CAPN6: variants seen among roughly 807,000 people sequenced by gnomAD.
The protein encoded by CAPN6 is calpain 6.
In CAPN6, 16 loss-of-function variants were observed where a neutral mutation model predicts 46.0. The ratio of observed to expected loss-of-function variants is 0.35; its 90% CI spans 0.24 to 0.53. The LOEUF is 0.53. Among genes scored for constraint, CAPN6 ranks in the 20% least tolerant of loss-of-function variants. The pLI is 0.94. For synonymous variants in CAPN6, 206 were observed against 172.8 expected (o/e 1.19, Z -1.51); for missense variants, 461 against 498.0 (o/e 0.93, Z 0.71).
rs1282437921 is a variant in CAPN6 at position 111,252,211 on chromosome X, A to G, written c.699+96T>C. 1.3e-5 allele frequency: 9 copies of G among 688,809 alleles called. No homozygotes were observed. In the African/African-American group the frequency reaches 1.8e-4, roughly 14 times the overall value. The allele number at this position is 688,809 out of a possible 1,213,427, so 56.8% of individuals were successfully genotyped here. On this transcript the variant is annotated intron_variant, in intron 5 of 12. Transcript: ENST00000324068. ...TTCCAAGTCCCATTAATAGTTTTTC[A>G]TGGGTCTTCGGGTTAAGGGCGAATT...
Position 111,246,526 on chromosome X carries a change from C to A in CAPN6, c.*51G>T. The A allele has an allele frequency of 9.4e-7, 1 of 1,059,853 alleles. No individual in the cohort carries two copies. Among genetic ancestry groups the A allele is most frequent in the Non-Finnish European group, 1.3e-6 (1 of 769,147 alleles). 87.3% of individuals were successfully genotyped at this position (1,059,853 alleles called of 1,213,427 possible). On this transcript the variant is annotated 3_prime_UTR_variant, in exon 13 of 13. Transcript: ENST00000324068. ...ATCTTAACTAAGACCTGGCACCTGA[C>A]GGAAAATAAAAGGGTGGCACGCTTT...
chrX:111,251,211 A>G lies in CAPN6; in HGVS notation c.969T>C (p.Phe323=), dbSNP rs373803010. 3.3e-6 allele frequency: 4 copies of G among 1,207,563 alleles called. No individual in the cohort carries two copies. The highest frequency in any genetic ancestry group is 5.9e-5 in the East Asian group (2 of 33,725). The change falls in exon 7 of 13, where the codon TTT becomes TTC. Residue 323 remains phenylalanine, a splice_region_variant and synonymous_variant. Transcript: ENST00000324068. ...TTAGTGCAGAAACCCCTCCTCACCA[A>G]AACTCTCCATCATCAGACATAACAA... ...LGLVMSDDGE[F]WMSLEDFCRN...
Position 111,253,042 on chromosome X carries a change from A to G in CAPN6, c.472T>C (p.Phe158Leu). 1 of 1,211,144 alleles carries G rather than the reference A, an allele frequency of 8.3e-7. No homozygotes were observed. Among genetic ancestry groups the G allele is most frequent in the Non-Finnish European group, 1.1e-6 (1 of 895,029 alleles). ...GCTTTTTCCAGCAGAGCATTCCAAA[A>G]CTCATTCATGGAAGTGGAGAAAGAG... Reference protein sequence around the residue: ...VFSFSTSMNEFWNALLEKAYA... With the variant: ...VFSFSTSMNELWNALLEKAYA... Residue 158 changes from phenylalanine to leucine, a missense_variant, in exon 4 of 13, where the codon TTT becomes CTT. Transcript: ENST00000324068.
At chrX:111,268,119 G>C (rs867025197) in intron 1 of CAPN6, among the ~76,000 whole-genome samples, 1 of 111,467 alleles carries the variant, frequency 9.0e-6, no homozygotes, top group Non-Finnish European at 1.9e-5. Flanking sequence ...GATATTCTGG[G>C]TCTAAAAAGG....
Position 111,270,352 on chromosome X carries a change from G to A in CAPN6, c.-16+19C>T, listed in dbSNP as rs963383801. On this transcript the variant is annotated intron_variant, in intron 1 of 12. Transcript: ENST00000324068. ...AAATAAAACTCCAGGGTAAGTTTGC[G>A]AATTCCCTCTCTACTCACCTGAGTT... 4.2e-5 allele frequency: 13 copies of A among 307,574 alleles called. No homozygotes were observed. The highest frequency in any genetic ancestry group is 8.1e-5 in the Non-Finnish European group (13 of 160,260). The allele number at this position is 307,574 out of a possible 1,213,427, so 25.3% of individuals were successfully genotyped here.
chrX:111,248,732 T>A lies in CAPN6; in HGVS notation c.1321A>T (p.Ile441Phe), dbSNP rs776542662. 6 of 1,211,618 alleles carry A rather than the reference T, an allele frequency of 5.0e-6. No homozygotes were observed. The South Asian group carries it at 1.1e-4, about 21-fold the overall frequency. The part of the protein sequence containing the change: ...NRKFRLHHLY[I>F]QERAGTSTYI... ...GTGGAAGTCCCAGCACGCTCCTGGA[T>A]GTAGAGGTGGTGGAGGCGGAATTTG... The change falls in exon 10 of 13, where the codon ATC becomes TTC. Residue 441 changes from isoleucine to phenylalanine, a missense_variant. By Grantham distance (21) the Ile-to-Phe change is conservative. Coordinates refer to ENST00000324068, the MANE Select transcript of CAPN6 (RefSeq NM_014289.4).
chrX:111,248,027 G>A (rs745325846), intron 10 of CAPN6, 35 bp from the exon 11 acceptor site: 1 of 1,179,833 alleles, frequency 8.5e-7, no homozygotes, highest in Non-Finnish European at 1.2e-6. Context: ...GTCATCATAT[G>A]ATAAATATCC....
chrX:111,267,006 T>A (rs762719447), intron 1 of CAPN6, among the ~76,000 whole-genome samples: 1 of 112,434 alleles, frequency 8.9e-6, no homozygotes, highest in Non-Finnish European at 1.9e-5. Flanking sequence ...CCCAGAAATT[T>A]GTAAGTTGAG....
chrX:111,270,082 G>A (rs1321361072), intron 1 of CAPN6, among the ~76,000 whole-genome samples: 2 of 111,738 alleles, frequency 1.8e-5, no homozygotes, highest in African/African-American at 6.5e-5. Flanking sequence ...ACATGCACGC[G>A]TGTGTGCACA....
At position 111,246,228 on chromosome X, in the gene CAPN6, A is replaced by T. The variant is rs767459044; in HGVS notation, c.*349T>A. 69 of 175,040 alleles carry T rather than the reference A, an allele frequency of 3.9e-4. No homozygotes were observed. The highest frequency in any genetic ancestry group is 2.0e-3 in the African/African-American group (67 of 32,723). 14.4% of individuals were successfully genotyped at this position (175,040 alleles called of 1,213,427 possible). ...TTCCTCAACATGCCCTACAGGGGAG[A>T]TATATCAAACAACTGAAAACATCAA... On this transcript the variant is annotated 3_prime_UTR_variant, in exon 13 of 13. Coordinates refer to ENST00000324068, the MANE Select transcript of CAPN6 (RefSeq NM_014289.4).
rs2094974460 is a variant in CAPN6 at position 111,246,318 on chromosome X, AG to A, written c.*258del. 2.9e-6 allele frequency: 1 copy of A among 349,435 alleles called. No homozygotes were observed. Among genetic ancestry groups the A allele is most frequent in the Non-Finnish European group, 5.0e-6 (1 of 201,180 alleles). The allele number at this position is 349,435 out of a possible 1,213,427, so 28.8% of individuals were successfully genotyped here. ...CTTGAATCTCACCCCCGGAAGCCCCAGAGATCCTTTCTTGGCAAATGTGTAT... is the reference window on the plus strand; with the variant it reads ...CTTGAATCTCACCCCCGGAAGCCCCAAGATCCTTTCTTGGCAAATGTGTAT... On this transcript the variant is annotated 3_prime_UTR_variant, in exon 13 of 13. Transcript: ENST00000324068.
intron 3 of CAPN6, among the ~76,000 whole-genome samples, chrX:111,253,554 G>A (rs2094981405): frequency 8.9e-6 from 1 of 112,501 alleles, no homozygotes; most frequent in South Asian, 3.7e-4. Context: ...ATGATTGCAT[G>A]TTTAAAATGC....
chrX:111,257,434 G>T (rs923965063), intron 2 of CAPN6, among the ~76,000 whole-genome samples: 2 of 112,103 alleles, frequency 1.8e-5, no homozygotes, highest in Non-Finnish European at 3.8e-5. Context: ...TAAGCATCGT[G>T]ATATGAAATA....
rs1162441252 is a variant in CAPN6, at chrX:111,245,493, C to A, written c.*1084G>T. 2 of 111,742 alleles carry A rather than the reference C, an allele frequency of 1.8e-5. No individual in the cohort carries two copies. Among genetic ancestry groups the A allele is most frequent in the Non-Finnish European group, 3.8e-5 (2 of 53,105 alleles). The allele number at this position is 111,742 out of a possible 1,213,427, so 9.2% of individuals were successfully genotyped here. On this transcript the variant is annotated 3_prime_UTR_variant, in exon 13 of 13. Coordinates refer to ENST00000324068, the MANE Select transcript of CAPN6 (RefSeq NM_014289.4). ...AACACCCCCAGCGAGTGAAGCATCC[C>A]AACTGAGAGAAAAGTCTGAGGAGTC...
Position 111,245,538 on chromosome X carries a change from C to T in CAPN6, c.*1039G>A, listed in dbSNP as rs1207246514. 8.9e-6 allele frequency: 1 copy of T among 112,146 alleles called. No individual in the cohort carries two copies. The highest frequency in any genetic ancestry group is 1.9e-5 in the Non-Finnish European group (1 of 53,201). The allele number at this position is 112,146 out of a possible 1,213,427, so 9.2% of individuals were successfully genotyped here. A position where few individuals can be genotyped will look rare whatever the true frequency, so the allele number is the denominator to read the frequency against. On this transcript the variant is annotated 3_prime_UTR_variant, in exon 13 of 13. Coordinates refer to ENST00000324068, the MANE Select transcript of CAPN6 (RefSeq NM_014289.4). ...GGAGTCTGGGCTGGGACCAAAGTCTCAAGTCCCCAGATGGGGTCTTCAGTA... is the reference window on the plus strand; with the variant it reads ...GGAGTCTGGGCTGGGACCAAAGTCTTAAGTCCCCAGATGGGGTCTTCAGTA...
intron 1 of CAPN6, among the ~76,000 whole-genome samples, chrX:111,267,270 T>A (rs1384733432): frequency 1.8e-5 from 2 of 110,406 alleles, no homozygotes; most frequent in African/African-American, 6.8e-5. Context: ...CCCTGTGGCC[T>A]GAGGGCTAGT....
chrX:111,268,656 T>C (rs2094993778), intron 1 of CAPN6, among the ~76,000 whole-genome samples: 1 of 112,906 alleles, frequency 8.9e-6, no homozygotes. Context: ...TACACCTCCC[T>C]ATTTCACCCC....
chrX:111,247,880 C>T lies in CAPN6; in HGVS notation c.1597G>A (p.Ala533Thr). 1 of 1,210,080 alleles carries T rather than the reference C, an allele frequency of 8.3e-7. No individual in the cohort carries two copies. The highest frequency in any genetic ancestry group is 1.1e-6 in the Non-Finnish European group (1 of 894,623). Residue 533 changes from alanine (A) to threonine (T), a missense_variant, in exon 11 of 13, where the codon GCC becomes ACC. By Grantham distance (58) the Ala-to-Thr change is moderately conservative. Transcript: ENST00000324068. ...TTCCTGCCATTCTTACTTTCATTGGCATACTTCTTCTCCAGGTCCTCAGCA... is the reference window on the plus strand; with the variant it reads ...TTCCTGCCATTCTTACTTTCATTGGTATACTTCTTCTCCAGGTCCTCAGCA... The part of the protein sequence containing the change: ...HSAEDLEKKY[A>T]NETVNPYLVI...
Position 111,246,686 on chromosome X carries a change from C to T in CAPN6, c.1817G>A (p.Arg606His), listed in dbSNP as rs772438919. 9 of 1,210,630 alleles carry T rather than the reference C, an allele frequency of 7.4e-6. No homozygotes were observed. The highest frequency in any genetic ancestry group is 1.8e-5 in the South Asian group (1 of 56,881). Reference sequence around the variant, plus strand: ...ACGCAGGTACAGAGACTTCAGATCACGGCAGTCGCTGGGGTCAGCATCCAG... The same window carrying T: ...ACGCAGGTACAGAGACTTCAGATCATGGCAGTCGCTGGGGTCAGCATCCAG... Reference protein sequence around the residue: ...VTLDADPSDCRDLKSLYLRKK... With the variant: ...VTLDADPSDCHDLKSLYLRKK... Residue 606 changes from arginine (R) to histidine (H), a missense_variant, in exon 13 of 13, where the codon CGT (arginine) becomes CAT (histidine). Physicochemically the swap from Arg to His is conservative, Grantham distance 29. Coordinates refer to ENST00000324068, the MANE Select transcript of CAPN6 (RefSeq NM_014289.4).
Sources: gnomAD v4.1 joint callset for allele counts (sites outside exome capture counted in the v4.1 genomes callset) on GRCh38, gnomAD v4.1.1 for gene constraint, MANE v1.5 for transcripts, NCBI Gene and HGNC (gene_info 2026-07-23, HGNC 2026-07-21) for gene names.